Variants in SPAG16 observed in about 807,000 individuals in gnomAD.
SPAG16 encodes sperm-associated antigen 16 protein.
Under a neutral mutation model 80.4 loss-of-function variants are expected in SPAG16, and 86 were observed. The observed-to-expected ratio is 1.07, with a 90% confidence interval of 0.90 to 1.28. SPAG16 has a LOEUF of 1.28. Ranked by LOEUF, SPAG16 falls within the 50% of genes most tolerant of loss-of-function variation. The probability of loss-of-function intolerance (pLI) is 0.00; values close to 1 mark genes in which losing one functional copy is unlikely to be tolerated. For missense variants in SPAG16, 870 were observed against 765.3 expected, an observed-to-expected ratio of 1.14 and a Z score of -1.61; for synonymous variants, 294 against 265.9, an observed-to-expected ratio of 1.11 and a Z score of -1.03.
At chr2:213,334,672 G>T (rs1039724246) in intron 5 of SPAG16, among the ~76,000 whole-genome samples, 1 of 152,138 alleles carries the variant, frequency 6.6e-6, no homozygotes, top group South Asian at 2.1e-4. Context: ...GGAACTGAAG[G>T]TCGTTATGTT....
intron 10 of SPAG16, among the ~76,000 whole-genome samples, chr2:213,506,398 G>A (rs969831723): frequency 6.6e-6 from 1 of 152,172 alleles, no homozygotes; most frequent in Admixed American, 6.5e-5. Context: ...AGGATATAAT[G>A]TGATAGGTAT....
chr2:214,083,340 T>C (rs1039377801), intron 13 of SPAG16, among the ~76,000 whole-genome samples: 25 of 152,292 alleles, frequency 1.6e-4, no homozygotes, highest in African/African-American at 6.0e-4. Flanking sequence ...TCAGTCTTTA[T>C]TCCTCTCCTG....
chr2:213,365,023 A>C (rs1178743338), intron 8 of SPAG16: 3 of 152,194 alleles, frequency 2.0e-5, no homozygotes, highest in East Asian at 3.9e-4. Flanking sequence ...CTTGAGAAAC[A>C]TTTAGGGCTT....
Position 213,833,534 on chromosome 2 carries a change from TATATA to T in SPAG16, c.1071-28945_1071-28941del, listed in dbSNP as rs1480753274. Among the ~76,000 whole-genome samples, 2 of 236 alleles carry T rather than the reference TATATA, an allele frequency of 8.5e-3. 1 individual carries two copies. The allele number at this position is 236 out of a possible 152,430, so 0.2% of individuals were successfully genotyped here. A position where few individuals can be genotyped will look rare whatever the true frequency, so the allele number is the denominator to read the frequency against. ...TATAATATATATAATATATATATTA[TATATA>T]ATATATATAATATATATAATATATA... On this transcript the variant is annotated intron_variant, in intron 10 of 15. Coordinates refer to ENST00000331683, the MANE Select transcript of SPAG16 (RefSeq NM_024532.5).
Position 213,894,508 on chromosome 2 carries a change from G to T in SPAG16, c.1214+31880G>T, listed in dbSNP as rs78927660. On this transcript the variant is annotated intron_variant, in intron 11 of 15. Coordinates refer to ENST00000331683, the MANE Select transcript of SPAG16 (RefSeq NM_024532.5). ...CTTTACTGAATGGGGGAAAATTGAAGACCTTTCCTCTAGATTTGGAGAAAA... is the reference window on the plus strand; with the variant it reads ...CTTTACTGAATGGGGGAAAATTGAATACCTTTCCTCTAGATTTGGAGAAAA... 5.3e-3 allele frequency among the ~76,000 whole-genome samples: 811 copies of T among 152,146 alleles called. 13 individuals are homozygous for T. Among genetic ancestry groups the T allele is most frequent in the East Asian group, 0.041 (212 of 5,160 alleles).
intron 12 of SPAG16, among the ~76,000 whole-genome samples, chr2:213,952,508 A>C (rs1435922624): frequency 6.6e-6 from 1 of 152,146 alleles, no homozygotes; most frequent in African/African-American, 2.4e-5. Context: ...ATGGCTATCC[A>C]ATTTATAAAT....
chr2:214,111,375 T>G (rs1215435974), intron 14 of SPAG16, among the ~76,000 whole-genome samples: 1 of 152,198 alleles, frequency 6.6e-6, no homozygotes, highest in Non-Finnish European at 1.5e-5. Context: ...CAGCACCACT[T>G]ATTAAATAGG....
intron 9 of SPAG16, among the ~76,000 whole-genome samples, chr2:213,419,438 A>G (rs1325004288): frequency 6.6e-6 from 1 of 152,130 alleles, no homozygotes; most frequent in Non-Finnish European, 1.5e-5. Context: ...TAGTAGCACT[A>G]ACTGTGGTCA....
intron 11 of SPAG16, among the ~76,000 whole-genome samples, chr2:213,926,378 C>A (rs2078479430): frequency 1.3e-5 from 2 of 151,898 alleles, no homozygotes; most frequent in Non-Finnish European, 2.9e-5. Flanking sequence ...AGTCTTTTAC[C>A]CCTCGCCCCA....
intron 13 of SPAG16, among the ~76,000 whole-genome samples, chr2:214,096,698 A>C (rs2052615185): frequency 6.6e-6 from 1 of 152,048 alleles, no homozygotes; most frequent in Admixed American, 6.6e-5. Context: ...CCGCAGTAAA[A>C]ATTTTGTAGA....
intron 10 of SPAG16, among the ~76,000 whole-genome samples, chr2:213,810,753 C>G (rs2072086512): frequency 1.3e-5 from 2 of 152,200 alleles, no homozygotes; most frequent in Non-Finnish European, 2.9e-5. Context: ...GGGAGCAGAA[C>G]TAACTACCTA....
At chr2:213,407,507 C>T (rs1035086617) in intron 9 of SPAG16, among the ~76,000 whole-genome samples, 2 of 151,766 alleles carry the variant, frequency 1.3e-5, no homozygotes, top group East Asian at 1.9e-4. Context: ...CTTGACACAA[C>T]CCCCCCGTTC....
intron 10 of SPAG16, among the ~76,000 whole-genome samples, chr2:213,639,471 G>A (rs922344124): frequency 6.6e-6 from 1 of 152,118 alleles, no homozygotes; most frequent in Non-Finnish European, 1.5e-5. Flanking sequence ...TTGTTTGTGT[G>A]AAAAAGACTT....
intron 9 of SPAG16, among the ~76,000 whole-genome samples, chr2:213,470,286 A>G (rs949413928): frequency 1.3e-5 from 2 of 152,194 alleles, no homozygotes; most frequent in African/African-American, 4.8e-5. Flanking sequence ...TTCCATAAGC[A>G]TGATCCCACT....
chr2:213,803,265 T>A (rs1411841474), intron 10 of SPAG16, among the ~76,000 whole-genome samples: 1 of 152,220 alleles, frequency 6.6e-6, no homozygotes, highest in Non-Finnish European at 1.5e-5. Context: ...AAGGCAGAGA[T>A]GTCCCATTCC....
At chr2:213,377,156 TAATTTTTCACCAG>T (rs1477212487) in intron 9 of SPAG16, among the ~76,000 whole-genome samples, 2 of 152,220 alleles carry the variant, frequency 1.3e-5, no homozygotes, top group African/African-American at 4.8e-5. Flanking sequence ...AGTTTTAAAT[TAATTTTTCACCAG>T]AATTTTACAG....
chr2:213,871,483 T>A (rs1369243833), intron 11 of SPAG16, among the ~76,000 whole-genome samples: 1 of 151,980 alleles, frequency 6.6e-6, no homozygotes, highest in Non-Finnish European at 1.5e-5. Context: ...CAAAGGGGAT[T>A]TGAAGCACAC....
intron 10 of SPAG16, among the ~76,000 whole-genome samples, chr2:213,597,637 A>C (rs1208779112): frequency 6.6e-6 from 1 of 152,184 alleles, no homozygotes; most frequent in East Asian, 1.9e-4. Context: ...CCAATGAAAT[A>C]TAGTAGCTAA....
chr2:213,781,887 T>G (rs1270104715), intron 10 of SPAG16, among the ~76,000 whole-genome samples: 1 of 152,180 alleles, frequency 6.6e-6, no homozygotes, highest in Non-Finnish European at 1.5e-5. Flanking sequence ...GTTTAAGATC[T>G]CCAAAATCCT....
Sources: allele counts gnomAD v4.1 joint callset (sites outside exome capture counted in the v4.1 genomes callset), GRCh38; gene constraint gnomAD v4.1.1; transcripts MANE v1.5; gene names NCBI Gene and HGNC (gene_info 2026-07-23, HGNC 2026-07-21).